Variants in AGBL4 observed in about 807,000 individuals in gnomAD.
AGBL4 encodes AGBL carboxypeptidase 4, also known as cytosolic carboxypeptidase 6.
In AGBL4, 58 loss-of-function variants were observed where a neutral mutation model predicts 66.4. The observed-to-expected ratio is 0.87, with a 90% CI of 0.71 to 1.09. The LOEUF is 1.09. Ranked by LOEUF, AGBL4 falls within the 50% of genes least tolerant of loss-of-function variation. AGBL4 has a pLI of 0.00. For missense variants in AGBL4, 579 were observed against 631.0 expected, an observed-to-expected ratio of 0.92 and a Z score of 0.88; for synonymous variants, 234 against 222.9, an observed-to-expected ratio of 1.05 and a Z score of -0.44.
intron 1 of AGBL4, among the ~76,000 whole-genome samples, chr1:49,878,217 G>T (rs1217701629): frequency 6.8e-6 from 1 of 146,424 alleles, no homozygotes; most frequent in Non-Finnish European, 1.5e-5. Context: ...GAATGTGTTT[G>T]CTCTTGCTTT....
intron 1 of AGBL4, among the ~76,000 whole-genome samples, chr1:49,880,431 C>T (rs1228427366): frequency 6.6e-6 from 1 of 152,112 alleles, no homozygotes; most frequent in Non-Finnish European, 1.5e-5. Context: ...TGTGAGGTGT[C>T]AGTGTGCCCC....
intron 3 of AGBL4, among the ~76,000 whole-genome samples, chr1:49,517,480 G>GT (rs1649923379): frequency 6.6e-6 from 1 of 151,992 alleles, no homozygotes; most frequent in East Asian, 1.9e-4. Flanking sequence ...CAAGAGTTCA[G>GT]TGACAGAAGA....
At chr1:49,429,215 T>C (rs916557311) in intron 3 of AGBL4, among the ~76,000 whole-genome samples, 2 of 152,140 alleles carry the variant, frequency 1.3e-5, no homozygotes, top group Non-Finnish European at 2.9e-5. Flanking sequence ...ACAGTGTCCA[T>C]AACAGCTCAG....
At chr1:50,007,966 C>A (rs920867873) in intron 1 of AGBL4, among the ~76,000 whole-genome samples, 5 of 151,924 alleles carry the variant, frequency 3.3e-5, no homozygotes, top group Non-Finnish European at 7.4e-5. Flanking sequence ...GCCAATTCAG[C>A]AAGAGGATAA....
At chr1:49,844,623 A>T in intron 2 of AGBL4, 1 of 1,453,030 alleles carries the variant, frequency 6.9e-7, no homozygotes, top group Non-Finnish European at 9.3e-7. Context: ...TCCTCTTCCC[A>T]TCTCACCACA....
At chr1:48,599,122 A>T (rs1645039340) in intron 9 of AGBL4, among the ~76,000 whole-genome samples, 2 of 152,206 alleles carry the variant, frequency 1.3e-5, no homozygotes, top group Admixed American at 6.5e-5. Flanking sequence ...GAAGGTCTTC[A>T]GGGACAATAA....
At chr1:49,611,723 C>T (rs1645159010) in intron 3 of AGBL4, among the ~76,000 whole-genome samples, 1 of 152,048 alleles carries the variant, frequency 6.6e-6, no homozygotes, top group African/African-American at 2.4e-5. Flanking sequence ...TTACCAAACA[C>T]TAAGACAATG....
intron 8 of AGBL4, among the ~76,000 whole-genome samples, chr1:48,640,538 T>C (rs1315839114): frequency 6.6e-6 from 1 of 152,240 alleles, no homozygotes; most frequent in African/African-American, 2.4e-5. Context: ...TCATTCACAA[T>C]AATCAAATGA....
intron 2 of AGBL4, among the ~76,000 whole-genome samples, chr1:49,741,739 A>C (rs1211676688): frequency 6.6e-6 from 1 of 152,188 alleles, no homozygotes; most frequent in Non-Finnish European, 1.5e-5. Flanking sequence ...TGCAAGGCTG[A>C]TTCAACATAC....
chr1:48,868,060 G>A (rs753216138), intron 5 of AGBL4, among the ~76,000 whole-genome samples: 24 of 152,200 alleles, frequency 1.6e-4, no homozygotes, highest in Non-Finnish European at 2.9e-4. Flanking sequence ...AAAGACTTGA[G>A]TCAGGGTTCC....
rs1303688350 is a variant in AGBL4, at chr1:49,653,632, A to G, written c.282+43681T>C. ...AACAGTTTAGAGATGAATATAACTG[A>G]CCTGACGGAGCTGAAAAACACAACA... On this transcript the variant is annotated intron_variant, in intron 3 of 13. Transcript: ENST00000371839. Among the ~76,000 whole-genome samples, 6 of 151,992 alleles carry G rather than the reference A, an allele frequency of 3.9e-5. No homozygotes were observed. In the East Asian group the frequency reaches 1.2e-3, roughly 30 times the overall value.
rs781185583 is a variant in AGBL4, at chr1:50,011,609, T to C, written c.34+12154A>G. On this transcript the variant is annotated intron_variant, in intron 1 of 13. Coordinates refer to ENST00000371839, the MANE Select transcript of AGBL4 (RefSeq NM_032785.4). Reference sequence around the variant, plus strand: ...ATGTTTGTTGCAGGATTGTTTACAATAGCTAAGATTTGGAAACAACCAAAG... The same window carrying C: ...ATGTTTGTTGCAGGATTGTTTACAACAGCTAAGATTTGGAAACAACCAAAG... Among the ~76,000 whole-genome samples the C allele has an allele frequency of 1.5e-4, 23 of 152,306 alleles. No homozygotes were observed. The East Asian group carries it at 1.7e-3, about 11-fold the overall frequency.
At chr1:49,475,212 T>C (rs946967708) in intron 3 of AGBL4, among the ~76,000 whole-genome samples, 3 of 152,092 alleles carry the variant, frequency 2.0e-5, no homozygotes, top group African/African-American at 7.2e-5. Context: ...GTTTTGTTTT[T>C]AATTCTGTTT....
At chr1:49,413,142 T>C (rs928600231) in intron 3 of AGBL4, among the ~76,000 whole-genome samples, 5 of 152,202 alleles carry the variant, frequency 3.3e-5, no homozygotes, top group African/African-American at 1.2e-4. Context: ...TCCTTTACTG[T>C]CTCATTGGGT....
At chr1:49,745,954 A>G (rs1341028251) in intron 2 of AGBL4, among the ~76,000 whole-genome samples, 1 of 152,044 alleles carries the variant, frequency 6.6e-6, no homozygotes, top group Admixed American at 6.6e-5. Flanking sequence ...AACACAAAAC[A>G]TTCTCCAGGA....
intron 1 of AGBL4, chr1:49,995,319 A>C (rs1384504095): frequency 8.8e-6 from 4 of 453,878 alleles, no homozygotes; most frequent in Non-Finnish European, 1.8e-5. Context: ...GTGCACAGTG[A>C]AAGTGAGACC....
intron 9 of AGBL4, among the ~76,000 whole-genome samples, chr1:48,619,260 C>T (rs973061922): frequency 5.3e-5 from 8 of 152,120 alleles, no homozygotes; most frequent in Non-Finnish European, 1.0e-4. Context: ...GCAGAGGTGA[C>T]GGAAACAAGA....
intron 1 of AGBL4, among the ~76,000 whole-genome samples, chr1:50,005,677 T>C (rs569491421): frequency 6.6e-6 from 1 of 152,326 alleles, no homozygotes; most frequent in Admixed American, 6.5e-5. Flanking sequence ...CAGTGACCAA[T>C]TCTGGAGTCA....
chr1:49,608,500 C>A (rs1365536212), intron 3 of AGBL4, among the ~76,000 whole-genome samples: 1 of 152,126 alleles, frequency 6.6e-6, no homozygotes, highest in African/African-American at 2.4e-5. Flanking sequence ...CCCATCCAGG[C>A]CTTAGCCTGC....
Sources: gnomAD v4.1 joint callset for allele counts (sites outside exome capture counted in the v4.1 genomes callset) on GRCh38, gnomAD v4.1.1 for gene constraint, MANE v1.5 for transcripts, NCBI Gene and HGNC (gene_info 2026-07-23, HGNC 2026-07-21) for gene names.